The following CSMD1 variants were observed in gnomAD, a reference collection of about 807,000 sequenced individuals.
CSMD1 encodes CUB and sushi domain-containing protein 1.
In CSMD1, 213 loss-of-function variants were observed where a neutral mutation model predicts 417.5. That is an observed-to-expected ratio of 0.51 (90% confidence interval 0.46 to 0.57). The LOEUF (loss-of-function observed/expected upper bound fraction) is 0.57. Ranked by LOEUF, CSMD1 falls within the 20% of genes least tolerant of loss-of-function variation. The pLI is 0.00. For synonymous variants in CSMD1, 2,862 were observed against 1,736.8 expected, an observed-to-expected ratio of 1.65 and a Z score of -16.11; for missense variants, 6,923 against 4,529.7, an observed-to-expected ratio of 1.53 and a Z score of -15.17.
At chr8:4,081,307 G>C (rs1800118465) in intron 3 of CSMD1, among the ~76,000 whole-genome samples, 1 of 152,132 alleles carries the variant, frequency 6.6e-6, no homozygotes. Flanking sequence ...AAGCTCTATG[G>C]TCCCCTCCCA....
intron 1 of CSMD1, among the ~76,000 whole-genome samples, chr8:4,811,997 A>G (rs1359881140): frequency 6.6e-6 from 1 of 152,338 alleles, no homozygotes; most frequent in South Asian, 2.1e-4. Flanking sequence ...AAAGACAGAA[A>G]GTAACAGCTT....
At chr8:4,272,246 A>T (rs1372650587) in intron 3 of CSMD1, among the ~76,000 whole-genome samples, 1 of 152,222 alleles carries the variant, frequency 6.6e-6, no homozygotes. Flanking sequence ...TGCCCTTAAT[A>T]GGTTCTTCGA....
chr8:3,312,191 C>T (rs1476655114), intron 23 of CSMD1, among the ~76,000 whole-genome samples: 2 of 152,114 alleles, frequency 1.3e-5, no homozygotes, highest in African/African-American at 4.8e-5. Flanking sequence ...TGTTTTATTG[C>T]TTTTTCTATC....
At chr8:4,766,566 A>G (rs371799743) in intron 1 of CSMD1, among the ~76,000 whole-genome samples, 4 of 152,326 alleles carry the variant, frequency 2.6e-5, no homozygotes, top group African/African-American at 9.6e-5. Flanking sequence ...CTTTCTGCCC[A>G]AATCTTGCCC....
intron 51 of CSMD1, 129 bp from the exon 52 acceptor site, chr8:3,018,779 A>T: frequency 1.2e-6 from 1 of 825,554 alleles, no homozygotes; most frequent in Non-Finnish European, 1.9e-6. Flanking sequence ...CACTAAGAAC[A>T]TGGTTGAGAG....
intron 7 of CSMD1, among the ~76,000 whole-genome samples, chr8:3,691,839 G>C (rs967566393): frequency 6.6e-6 from 1 of 152,178 alleles, no homozygotes; most frequent in African/African-American, 2.4e-5. Context: ...ATGAAAGAGA[G>C]TCTGTAACTT....
At chr8:4,004,752 G>C (rs530635124) in intron 4 of CSMD1, among the ~76,000 whole-genome samples, 18 of 151,760 alleles carry the variant, frequency 1.2e-4, no homozygotes, top group Non-Finnish European at 1.6e-4. Flanking sequence ...TTTTTGTTTT[G>C]TTTTGTTTTT....
chr8:3,949,768 G>C (rs924870959), intron 5 of CSMD1, among the ~76,000 whole-genome samples: 2 of 152,126 alleles, frequency 1.3e-5, no homozygotes, highest in Admixed American at 6.5e-5. Context: ...AAGCGCACAA[G>C]ACAGCCACAA....
chr8:3,563,657 G>T, intron 10 of CSMD1, among the ~76,000 whole-genome samples: 1 of 152,116 alleles, frequency 6.6e-6, no homozygotes, highest in East Asian at 1.9e-4. Flanking sequence ...TTGGGAGGCT[G>T]AGGCGGGTGG....
Position 3,253,000 on chromosome 8 carries a change from T to G in CSMD1, c.4154-22769A>C, listed in dbSNP as rs570467199. On this transcript the variant is annotated intron_variant, in intron 26 of 69. Coordinates refer to ENST00000635120, the MANE Select transcript of CSMD1 (RefSeq NM_033225.6). ...AGCAGTCTATCAATTTTGTTGATCT[T>G]TTCAAAAAACCAGCTCCTGGATTCA... 2.6e-5 allele frequency among the ~76,000 whole-genome samples: 4 copies of G among 152,324 alleles called. No individual in the cohort carries two copies. The South Asian group carries it at 8.3e-4, about 32-fold the overall frequency.
In CSMD1 at chr8:3,913,398, G is replaced by A. The variant is rs575819742; in HGVS notation, c.818+84505C>T. Among the ~76,000 whole-genome samples, 8 of 152,202 alleles carry A rather than the reference G, an allele frequency of 5.3e-5. No homozygotes were observed. In the East Asian group the frequency reaches 9.7e-4, roughly 18 times the overall value. On this transcript the variant is annotated intron_variant, in intron 5 of 69. Transcript: ENST00000635120. ...AAAGGGAAATGCAACTTCCAGACCA[G>A]AAGAAGCAAACCACTGGGATGTGTC...
At chr8:3,352,838 C>A (rs941192195) in intron 21 of CSMD1, among the ~76,000 whole-genome samples, 1 of 152,042 alleles carries the variant, frequency 6.6e-6, no homozygotes, top group Non-Finnish European at 1.5e-5. Flanking sequence ...GAAACTCTGT[C>A]TCAAAAAACA....
intron 2 of CSMD1, among the ~76,000 whole-genome samples, chr8:4,501,619 A>G (rs78397443): frequency 0.01 from 1,526 of 152,266 alleles, 25 homozygotes; most frequent in African/African-American, 0.035. Context: ...TAAGTTTTAA[A>G]TTGCTAGCTG....
chr8:3,379,900 G>A (rs1810529339), intron 18 of CSMD1, among the ~76,000 whole-genome samples: 1 of 152,034 alleles, frequency 6.6e-6, no homozygotes, highest in Non-Finnish European at 1.5e-5. Context: ...TAGACAAATG[G>A]GATATAATTA....
chr8:3,459,514 G>A (rs186100731), intron 12 of CSMD1, among the ~76,000 whole-genome samples: 1 of 152,116 alleles, frequency 6.6e-6, no homozygotes, highest in Non-Finnish European at 1.5e-5. Context: ...TCGGAGACAC[G>A]GATGAGAGCA....
intron 2 of CSMD1, among the ~76,000 whole-genome samples, chr8:4,446,033 T>C (rs768272333): frequency 6.6e-6 from 1 of 152,100 alleles, no homozygotes; most frequent in Non-Finnish European, 1.5e-5. Flanking sequence ...TCTTAGGAAC[T>C]TGACACAGCC....
At chr8:4,491,060 C>G (rs533275616) in intron 2 of CSMD1, among the ~76,000 whole-genome samples, 1 of 152,132 alleles carries the variant, frequency 6.6e-6, no homozygotes, top group Admixed American at 6.5e-5. Flanking sequence ...GAGGCGGTCG[C>G]CTGCCAGGAC....
intron 41 of CSMD1, among the ~76,000 whole-genome samples, chr8:3,136,227 G>C (rs976743156): frequency 2.0e-5 from 3 of 151,500 alleles, no homozygotes; most frequent in East Asian, 1.9e-4. Context: ...ATGTGTTGCA[G>C]AGAGGACAAC....
At chr8:4,597,377 G>C (rs558944140) in intron 2 of CSMD1, among the ~76,000 whole-genome samples, 1 of 152,072 alleles carries the variant, frequency 6.6e-6, no homozygotes, top group African/African-American at 2.4e-5. Context: ...AGTAGTGTGA[G>C]GTATGTTGAC....
Sources: gnomAD v4.1 joint callset for allele counts (sites outside exome capture counted in the v4.1 genomes callset) on GRCh38, gnomAD v4.1.1 for gene constraint, MANE v1.5 for transcripts, NCBI Gene and HGNC (gene_info 2026-07-23, HGNC 2026-07-21) for gene names.